Variants in WDFY4 observed in about 807,000 individuals in gnomAD.
WDFY4 encodes WDFY family member 4.
WDFY4 carries 169 observed loss-of-function variants against 351.9 expected under a neutral mutation model. The ratio of observed to expected loss-of-function variants is 0.48; its 90% CI spans 0.42 to 0.55. WDFY4 has a LOEUF of 0.55. Ranked by LOEUF, WDFY4 falls within the 20% of genes least tolerant of loss-of-function variation. The pLI is 0.00. For missense variants in WDFY4, 3,803 were observed against 3,935.6 expected, an observed-to-expected ratio of 0.97 and a Z score of 0.90; for synonymous variants, 1,622 against 1,574.6, an observed-to-expected ratio of 1.03 and a Z score of -0.71.
chr10:48,800,938 G>A (rs574525138), intron 24 of WDFY4, among the ~76,000 whole-genome samples: 1 of 151,874 alleles, frequency 6.6e-6, no homozygotes. Context: ...TCACCATATT[G>A]GTCAGGCTGG....
intron 61 of WDFY4, 111 bp downstream of exon 61, chr10:48,981,589 T>G: frequency 1.1e-6 from 1 of 944,142 alleles, no homozygotes; most frequent in South Asian, 1.6e-5. Flanking sequence ...GCCACTTCAC[T>G]CCAGGACATG....
At chr10:48,811,440 G>A in intron 29 of WDFY4, 99 bp from the exon 30 acceptor site, 1 of 1,013,156 alleles carries the variant, frequency 9.9e-7, no homozygotes, top group South Asian at 1.6e-5. Flanking sequence ...ATTTCTATGG[G>A]ATGGGTGGGT....
In WDFY4 at chr10:48,780,078, G is replaced by A; in HGVS notation, c.3535G>A (p.Val1179Ile). The change falls in exon 19 of 62, where the codon GTT becomes ATT. Residue 1179 changes from valine (V) to isoleucine (I), a missense_variant. By Grantham distance (29) the Val-to-Ile change is conservative. Transcript: ENST00000325239. ...TAAGGAAATGAAAAGGCATTGTACA[G>A]TTTCCACCTGTCTGGATGGACAGGT... is the stretch of plus-strand genomic sequence containing the variant. ...VTKEMKRHCT[V>I]STCLDGQVIG... The A allele has an allele frequency of 6.4e-7, 1 of 1,552,052 alleles. No homozygotes were observed. The highest frequency in any genetic ancestry group is 8.7e-7 in the Non-Finnish European group (1 of 1,147,058).
At chr10:48,975,135 GC>G (rs1842511480) in intron 58 of WDFY4, 94 bp downstream of exon 58, 1 of 1,513,160 alleles carries the variant, frequency 6.6e-7, no homozygotes, top group Non-Finnish European at 9.0e-7. Context: ...AGAGACTCTA[GC>G]CACCCCAGAA....
chr10:48,810,369 C>T lies in WDFY4; in HGVS notation c.4839-161C>T, dbSNP rs563477266. 9.2e-4 allele frequency among the ~76,000 whole-genome samples: 140 copies of T among 152,342 alleles called. 1 individual carries two copies. Among genetic ancestry groups the T allele is most frequent in the Admixed American group, 1.6e-3 (25 of 15,310 alleles). On this transcript the variant is annotated intron_variant, in intron 28 of 61. Transcript: ENST00000325239. ...ATCATTTGCACAACAATCTTGCCAG[C>T]ATTTTATTTTACTATTCTTTTTAAA...
In WDFY4 at chr10:48,957,263, C is replaced by T. The variant is rs1254508856; in HGVS notation, c.8112C>T (p.Asn2704=). ...EFFYLPEFLT[N]CNGVEFGCMQ... ...TCTACCTGCCTGAGTTCTTAACCAA[C>T]TGCAACGGGGTAGAGTTCGGTAAGT... Residue 2704 remains asparagine (N), a synonymous_variant, in exon 52 of 62, where the codon AAC becomes AAT. Transcript: ENST00000325239. The T allele has an allele frequency of 2.6e-6, 4 of 1,551,492 alleles. No homozygotes were observed. The African/African-American group carries it at 5.5e-5, about 21-fold the overall frequency.
intron 60 of WDFY4, chr10:48,978,872 T>A (rs561822746): frequency 2.0e-5 from 3 of 153,398 alleles, no homozygotes; most frequent in Non-Finnish European, 4.4e-5. Flanking sequence ...TAGCTCCCTG[T>A]TTGCTCTGCA....
intron 47 of WDFY4, among the ~76,000 whole-genome samples, chr10:48,936,781 T>A (rs1309892453): frequency 1.4e-5 from 2 of 144,926 alleles, no homozygotes; most frequent in African/African-American, 5.1e-5. Context: ...GAGGTTGCAG[T>A]GAGCCGAGAT....
intron 12 of WDFY4, among the ~76,000 whole-genome samples, chr10:48,759,857 C>T (rs2065447730): frequency 6.6e-6 from 1 of 152,216 alleles, no homozygotes; most frequent in Non-Finnish European, 1.5e-5. Context: ...CTACCATTTA[C>T]TTTCCAGAGT....
rs2066053219 is a variant in WDFY4 at position 48,777,003 on chromosome 10, T to C, written c.3098+19T>C. The C allele has an allele frequency of 6.5e-7, 1 of 1,538,914 alleles. No homozygotes were observed. Among genetic ancestry groups the C allele is most frequent in the Admixed American group, 2.1e-5 (1 of 47,890 alleles). On this transcript the variant is annotated intron_variant, in intron 16 of 61. Coordinates refer to ENST00000325239, the MANE Select transcript of WDFY4 (RefSeq NM_001394531.1). The stretch of plus-strand genomic sequence containing the variant: ...GTTATGGGTATGACAGGCTTTCACA[T>C]ATTTAAAATGCACTTTATTAATTTT...
chr10:48,796,357 G>A lies in WDFY4; in HGVS notation c.4317G>A (p.Leu1439=), dbSNP rs1408342155. 6.4e-7 allele frequency: 1 copy of A among 1,552,386 alleles called. No individual in the cohort carries two copies. Among genetic ancestry groups the A allele is most frequent in the South Asian group, 1.2e-5 (1 of 84,060 alleles). The change falls in exon 24 of 62, where the codon CTG becomes CTA. Residue 1439 remains leucine, a synonymous_variant. Coordinates refer to ENST00000325239, the MANE Select transcript of WDFY4 (RefSeq NM_001394531.1). ...ASLLNHRIFQ[L]ILSVAGTVEL... ...TCCTGAACCATCGAATTTTTCAGCT[G>A]ATCCTCTCAGTGGCTGGCACTGTGG...
intron 51 of WDFY4, among the ~76,000 whole-genome samples, chr10:48,954,472 G>A (rs1841489661): frequency 6.6e-6 from 1 of 152,212 alleles, no homozygotes; most frequent in Admixed American, 6.5e-5. Context: ...CCAAGTTCTA[G>A]ACTTAATTGT....
At chr10:48,825,000 G>A (rs762071904) in intron 35 of WDFY4, among the ~76,000 whole-genome samples, 20 of 152,198 alleles carry the variant, frequency 1.3e-4, no homozygotes, top group Middle Eastern at 3.4e-3. Flanking sequence ...GGATGTGCAG[G>A]TTTGTTACAT....
intron 9 of WDFY4, among the ~76,000 whole-genome samples, chr10:48,731,918 T>A (rs1160339790): frequency 6.6e-6 from 1 of 151,962 alleles, no homozygotes; most frequent in Non-Finnish European, 1.5e-5. Flanking sequence ...CCTCCTGGGG[T>A]CTGCTGGGAT....
intron 47 of WDFY4, among the ~76,000 whole-genome samples, chr10:48,941,431 C>T (rs1840757300): frequency 6.6e-6 from 1 of 152,110 alleles, no homozygotes. Context: ...GCATTTTATC[C>T]ACGAGCAAAA....
chr10:48,867,247 GT>G lies in WDFY4; in HGVS notation c.6664-14del. ...CACAACTATCATTAAGCTGTGACTT[GT>G]TTTCTCCTTTCTCCAGGATTTTGTG... On this transcript the variant is annotated splice_polypyrimidine_tract_variant and intron_variant, in intron 39 of 61. Transcript: ENST00000325239. 1 of 1,313,940 alleles carries G rather than the reference GT, an allele frequency of 7.6e-7. No individual in the cohort carries two copies. Among genetic ancestry groups the G allele is most frequent in the Non-Finnish European group, 9.9e-7 (1 of 1,012,614 alleles). 81.4% of individuals were successfully genotyped at this position (1,313,940 alleles called of 1,614,324 possible).
At position 48,890,719 on chromosome 10, in the gene WDFY4, C is replaced by T. The variant is rs1261381572; in HGVS notation, c.7308C>T (p.Cys2436=). Residue 2436 remains cysteine, a synonymous_variant, in exon 44 of 62, where the codon TGC becomes TGT. Coordinates refer to ENST00000325239, the MANE Select transcript of WDFY4 (RefSeq NM_001394531.1). ...GTGATGTCTACTGTACCCGTCACTG[C>T]TTATCCAAGTGAGTTATCCACTTCT... ...PTGDVYCTRH[C]LSNISDPFIF... The T allele has an allele frequency of 6.4e-7, 1 of 1,551,714 alleles. No homozygotes were observed. The highest frequency in any genetic ancestry group is 8.7e-7 in the Non-Finnish European group (1 of 1,146,990).
At chr10:48,818,558 T>A (rs774354193) in intron 32 of WDFY4, among the ~76,000 whole-genome samples, 10 of 152,278 alleles carry the variant, frequency 6.6e-5, no homozygotes, top group African/African-American at 2.4e-4. Context: ...CCCAGATTGA[T>A]TGCAAGAATG....
chr10:48,903,261 C>T (rs1837451312), intron 47 of WDFY4, among the ~76,000 whole-genome samples: 1 of 152,116 alleles, frequency 6.6e-6, no homozygotes, highest in Non-Finnish European at 1.5e-5. Context: ...ATAGTTGGTG[C>T]AAGATTCTCA....
Sources: allele counts gnomAD v4.1 joint callset (sites outside exome capture counted in the v4.1 genomes callset), GRCh38; gene constraint gnomAD v4.1.1; transcripts MANE v1.5; gene names NCBI Gene and HGNC (gene_info 2026-07-23, HGNC 2026-07-21).